The following MGAM variants were observed in gnomAD, a reference collection of about 807,000 sequenced individuals.
The protein encoded by MGAM is alpha-1,4-glucosidase.
MGAM carries 253 observed loss-of-function variants against 358.8 expected under a neutral mutation model. The observed-to-expected ratio is 0.71, with a 90% CI of 0.64 to 0.78. The LOEUF is 0.78. Ranked by LOEUF, MGAM falls within the 30% of genes least tolerant of loss-of-function variation. The pLI is 0.00. For synonymous variants in MGAM, 1,105 were observed against 1,227.1 expected (o/e 0.90, Z 2.08); for missense variants, 3,080 against 3,432.6 (o/e 0.90, Z 2.57).
In MGAM at chr7:142,106,061, C is replaced by T. The variant is rs1374449219; in HGVS notation, c.*170C>T. 1.6e-5 allele frequency: 9 copies of T among 555,324 alleles called. No individual in the cohort carries two copies. In the East Asian group the frequency reaches 2.9e-4, roughly 18 times the overall value. The allele number at this position is 555,324 out of a possible 1,614,324, so 34.4% of individuals were successfully genotyped here. A position where few individuals can be genotyped will look rare whatever the true frequency, so the allele number is the denominator to read the frequency against. ...GTGAACCCTAAAGGTTAAACCTTAG[C>T]CCTGTGGGATAGGCAGTTAGGGAGG... is the stretch of plus-strand genomic sequence containing the variant. On this transcript the variant is annotated 3_prime_UTR_variant, in exon 71 of 71. Transcript: ENST00000475668.
At chr7:142,091,748 C>T (rs1815404317) in intron 57 of MGAM, among the ~76,000 whole-genome samples, 165 bp from the exon 58 acceptor site, 1 of 146,526 alleles carries the variant, frequency 6.8e-6, no homozygotes, top group Non-Finnish European at 1.5e-5. Context: ...AATTTCTCCT[C>T]TCATTCTACA....
chr7:142,026,589 A>C (rs1207841969), intron 8 of MGAM, among the ~76,000 whole-genome samples: 1 of 152,128 alleles, frequency 6.6e-6, no homozygotes, highest in East Asian at 1.9e-4. Flanking sequence ...TGGAAAGATA[A>C]ATGGGCCCTT....
intron 21 of MGAM, among the ~76,000 whole-genome samples, chr7:142,043,223 C>A: frequency 2.3e-4 from 2 of 8,874 alleles, no homozygotes; most frequent in Admixed American, 3.9e-3. Flanking sequence ...CATATAATAT[C>A]TAAATATAAT....
In MGAM at chr7:142,036,278, G is replaced by A. The variant is rs1584956901; in HGVS notation, c.2069G>A (p.Gly690Asp). Reference sequence around the variant, plus strand: ...TTTTCTAGAAATCACAATGGCCAAGGCTACAAGGTAAGGCTCCTAGGACAT... The same window carrying A: ...TTTTCTAGAAATCACAATGGCCAAGACTACAAGGTAAGGCTCCTAGGACAT... The part of the protein sequence containing the change: ...YPFSRNHNGQ[G>D]YKDQDPASFG... Residue 690 changes from glycine to aspartate, a missense_variant, in exon 17 of 71, where the codon GGC becomes GAC. Around this residue, in one of 5 missense-constraint regions of MGAM, gnomAD observed 1,816 missense variants for 1,840.5 expected, o/e 0.99. Coordinates refer to ENST00000475668, the MANE Select transcript of MGAM (RefSeq NM_001365693.1). 4 of 1,603,040 alleles carry A rather than the reference G, an allele frequency of 2.5e-6. No individual in the cohort carries two copies. The highest frequency in any genetic ancestry group is 3.4e-6 in the Non-Finnish European group (4 of 1,174,058).
intron 26 of MGAM, 51 bp downstream of exon 26, chr7:142,053,035 T>G: frequency 1.9e-6 from 3 of 1,568,976 alleles, no homozygotes; most frequent in Non-Finnish European, 2.6e-6. Context: ...TCAGTTCCAT[T>G]ACCTTTTATT....
In MGAM at chr7:142,021,084, G is replaced by A. The variant is rs138090433; in HGVS notation, c.558+1G>A. 1.2e-5 allele frequency: 19 copies of A among 1,578,776 alleles called. No individual in the cohort carries two copies. In the Middle Eastern group the frequency reaches 5.0e-4, roughly 42 times the overall value. On this transcript the variant is annotated splice_donor_variant, in intron 5 of 70. Transcript: ENST00000475668. LOFTEE classifies it high-confidence loss of function. ...GACATCTAATCGTTTCCACTTTAAG[G>A]TTGTAATTTGTTTATTTTTTTTTAA...
intron 3 of MGAM, 50 bp from the exon 4 acceptor site, chr7:142,019,149 A>T (rs1283764512): frequency 1.3e-6 from 2 of 1,585,128 alleles, no homozygotes; most frequent in Non-Finnish European, 1.7e-6. Flanking sequence ...TTTATAAATG[A>T]TCATGTTCTA....
rs1439556745 is a variant in MGAM, at chr7:142,090,923, C to T, written c.6811-990C>T. ...ACTCAGATGAATATAAAACAAGCTTCTTGCTCTCAAAAGTCTACAATGTAG... is the reference window on the plus strand; with the variant it reads ...ACTCAGATGAATATAAAACAAGCTTTTTGCTCTCAAAAGTCTACAATGTAG... On this transcript the variant is annotated intron_variant, in intron 57 of 70. Transcript: ENST00000475668. Among the ~76,000 whole-genome samples, 5 of 146,224 alleles carry T rather than the reference C, an allele frequency of 3.4e-5. 1 individual carries two copies. Among genetic ancestry groups the T allele is most frequent in the Non-Finnish European group, 7.7e-5 (5 of 64,610 alleles).
At chr7:142,013,794 C>G (rs926478552) in intron 3 of MGAM, among the ~76,000 whole-genome samples, 1 of 152,216 alleles carries the variant, frequency 6.6e-6, no homozygotes, top group Non-Finnish European at 1.5e-5. Flanking sequence ...ACCCATTACA[C>G]TGGTCAGCCC....
At chr7:142,026,827 C>T (rs368813325) in intron 8 of MGAM, among the ~76,000 whole-genome samples, 3 of 152,144 alleles carry the variant, frequency 2.0e-5, no homozygotes, top group Admixed American at 1.3e-4. Context: ...TTCTGGACCC[C>T]TTCATAAGCC....
chr7:142,044,153 C>A (rs542688779), intron 21 of MGAM, among the ~76,000 whole-genome samples: 1 of 136,874 alleles, frequency 7.3e-6, no homozygotes, highest in South Asian at 2.2e-4. Flanking sequence ...TATACACATA[C>A]GACGTATAAT....
intron 34 of MGAM, 120 bp downstream of exon 34, chr7:142,060,493 T>A (rs2961073): frequency 1.7e-5 from 20 of 1,169,266 alleles, no homozygotes; most frequent in Non-Finnish European, 2.3e-5. Flanking sequence ...AACACTTAGG[T>A]GATGTGTCTT....
At chr7:142,091,070 A>G (rs553339678) in intron 57 of MGAM, among the ~76,000 whole-genome samples, 23 of 145,160 alleles carry the variant, frequency 1.6e-4, no homozygotes, top group African/African-American at 5.4e-4. Context: ...AACATGAGGA[A>G]ACTACGTCTC....
chr7:142,045,508 C>CATACAATATATGATATAATATATTAT (rs1810124056), intron 21 of MGAM, among the ~76,000 whole-genome samples: 8 of 85,924 alleles, frequency 9.3e-5, no homozygotes, highest in Non-Finnish European at 1.5e-4. Flanking sequence ...TTATATATTA[C>CATACAATATATGATATAATATATTAT]ATATACATAT....
intron 34 of MGAM, among the ~76,000 whole-genome samples, chr7:142,061,743 T>C (rs1389212122): frequency 6.6e-6 from 1 of 152,192 alleles, no homozygotes; most frequent in African/African-American, 2.4e-5. Context: ...ACAAACAACA[T>C]GAGTATATTA....
At chr7:142,063,867 G>C (rs189334693) in intron 36 of MGAM, among the ~76,000 whole-genome samples, 1 of 152,186 alleles carries the variant, frequency 6.6e-6, no homozygotes, top group Non-Finnish European at 1.5e-5. Context: ...TTTTAGGCTT[G>C]TGTGAATTCC....
intron 13 of MGAM, among the ~76,000 whole-genome samples, chr7:142,032,270 T>A (rs1381403658): frequency 6.6e-6 from 1 of 152,038 alleles, no homozygotes; most frequent in Non-Finnish European, 1.5e-5. Context: ...TAACTGAGGG[T>A]TAGCAAAATT....
chr7:142,003,716 A>G (rs1458998346), intron 1 of MGAM, among the ~76,000 whole-genome samples: 2 of 152,064 alleles, frequency 1.3e-5, no homozygotes, highest in African/African-American at 2.4e-5. Context: ...TAATTAAACT[A>G]AAAAGCTTCT....
At position 142,105,833 on chromosome 7, in the gene MGAM, C is replaced by G; in HGVS notation, c.8204C>G (p.Thr2735Ser). The G allele has an allele frequency of 6.2e-7, 1 of 1,613,398 alleles. No homozygotes were observed. Among genetic ancestry groups the G allele is most frequent in the Non-Finnish European group, 8.5e-7 (1 of 1,179,430 alleles). Residue 2735 changes from threonine (T) to serine (S), a missense_variant, in exon 71 of 71, where the codon ACT becomes AGT. Around this residue, in one of 5 missense-constraint regions of MGAM, gnomAD observed 194 missense variants for 172.8 expected, o/e 1.12. Coordinates refer to ENST00000475668, the MANE Select transcript of MGAM (RefSeq NM_001365693.1). ...TAACAGGTATTAAGCATCGATGTGACTGACAGAAACATCAGCCTACATAAT... is the reference window on the plus strand; with the variant it reads ...TAACAGGTATTAAGCATCGATGTGAGTGACAGAAACATCAGCCTACATAAT... ...PTTQVLSIDVTDRNISLHNFT... is the reference protein window; with the variant it reads ...PTTQVLSIDVSDRNISLHNFT...
Sources: allele counts gnomAD v4.1 joint callset (sites outside exome capture counted in the v4.1 genomes callset), GRCh38; gene constraint gnomAD v4.1.1; regional missense constraint gnomAD v4.1.1; transcripts MANE v1.5; gene names NCBI Gene and HGNC (gene_info 2026-07-23, HGNC 2026-07-21).